Variants in PDE8B observed in about 807,000 individuals in gnomAD.
The protein encoded by PDE8B is high affinity cAMP-specific and IBMX-insensitive 3',5'-cyclic phosphodiesterase 8B.
Under a neutral mutation model 101.3 loss-of-function variants are expected in PDE8B, and 26 were observed. The observed-to-expected ratio is 0.26, with a 90% confidence interval of 0.19 to 0.36. The LOEUF (loss-of-function observed/expected upper bound fraction) is 0.36, where lower values mean the gene tolerates loss of function less well. Among genes scored for constraint, PDE8B ranks in the 10% least tolerant of loss-of-function variants. The probability of loss-of-function intolerance (pLI) is 1.00; values close to 1 mark genes in which losing one functional copy is unlikely to be tolerated. For synonymous variants in PDE8B, 424 were observed against 429.3 expected (o/e 0.99, Z 0.15); for missense variants, 810 against 1,163.1 (o/e 0.70, Z 4.42).
the PDE8B span, among the ~76,000 whole-genome samples, chr5:77,156,145 CAG>C: frequency 6.6e-6 from 1 of 152,132 alleles, no homozygotes; most frequent in Non-Finnish European, 1.5e-5. Context: ...TGATTAACAG[CAG>C]AGAGAGGTGG....
chr5:77,390,391 C>T (rs1488266370), intron 10 of PDE8B, among the ~76,000 whole-genome samples: 1 of 152,234 alleles, frequency 6.6e-6, no homozygotes, highest in Non-Finnish European at 1.5e-5. Flanking sequence ...GCTTCGAGCT[C>T]TGGCAAAGAG....
chr5:77,191,335 A>C, the PDE8B span, among the ~76,000 whole-genome samples: 5 of 152,030 alleles, frequency 3.3e-5, no homozygotes, highest in Non-Finnish European at 5.9e-5. Context: ...GACGTATAAT[A>C]TTTATGTACA....
chr5:77,157,087 C>G, the PDE8B span, among the ~76,000 whole-genome samples: 1 of 152,120 alleles, frequency 6.6e-6, no homozygotes, highest in Admixed American at 6.5e-5. Flanking sequence ...AATCGCCCCT[C>G]CAGCCTCTGG....
chr5:77,153,718 G>A, the PDE8B span, among the ~76,000 whole-genome samples: 1 of 151,982 alleles, frequency 6.6e-6, no homozygotes, highest in Non-Finnish European at 1.5e-5. Context: ...GGGATTACAG[G>A]TGCCTGCCAC....
chr5:77,282,035 G>A (rs951877767), intron 1 of PDE8B, among the ~76,000 whole-genome samples: 1 of 152,062 alleles, frequency 6.6e-6, no homozygotes, highest in African/African-American at 2.4e-5. Context: ...TAACAGTCAC[G>A]TCAACCCAAG....
At chr5:77,132,112 T>C in the PDE8B span, among the ~76,000 whole-genome samples, 1 of 152,198 alleles carries the variant, frequency 6.6e-6, no homozygotes, top group East Asian at 1.9e-4. Context: ...CAAAGTAGTA[T>C]ACAAGCTAAT....
At chr5:77,264,145 C>CCAGA (rs1402934273) in intron 1 of PDE8B, among the ~76,000 whole-genome samples, 1 of 152,182 alleles carries the variant, frequency 6.6e-6, no homozygotes, top group African/African-American at 2.4e-5. Context: ...GAATTATTTT[C>CCAGA]CATTTAATGG....
intron 1 of PDE8B, chr5:77,290,295 C>G: frequency 6.5e-7 from 1 of 1,547,150 alleles, no homozygotes; most frequent in South Asian, 1.1e-5. Flanking sequence ...CAATCAGCCC[C>G]AGTATGCATG....
At chr5:77,311,089 A>G (rs1772493745) in intron 1 of PDE8B, among the ~76,000 whole-genome samples, 1 of 152,176 alleles carries the variant, frequency 6.6e-6, no homozygotes, top group Admixed American at 6.5e-5. Context: ...ACAAGGGGCC[A>G]GTACAGAGTG....
the PDE8B span, chr5:77,166,605 G>A: frequency 6.6e-6 from 1 of 152,118 alleles, no homozygotes; most frequent in Non-Finnish European, 1.5e-5. Context: ...GTGAGAGAAT[G>A]AACACTCCCT....
intron 1 of PDE8B, among the ~76,000 whole-genome samples, chr5:77,251,690 GCT>G (rs1247249358): frequency 9.9e-5 from 15 of 151,922 alleles, no homozygotes; most frequent in Non-Finnish European, 1.9e-4. Context: ...CCACCGCATC[GCT>G]CTCTCTCTTC....
chr5:77,172,848 T>C, the PDE8B span, among the ~76,000 whole-genome samples: 1 of 152,214 alleles, frequency 6.6e-6, no homozygotes, highest in Non-Finnish European at 1.5e-5. Context: ...ACTTTTCCAC[T>C]TGTTTACTTG....
At chr5:77,248,446 G>T (rs62362644) in intron 1 of PDE8B, among the ~76,000 whole-genome samples, 12,470 of 110,598 alleles carry the variant, frequency 0.11, 712 homozygotes, top group Admixed American at 0.23. Context: ...ATTAGTTTTT[G>T]TTGTTGTTGT....
chr5:77,248,365 G>A (rs1023824268), intron 1 of PDE8B, among the ~76,000 whole-genome samples: 7 of 152,306 alleles, frequency 4.6e-5, no homozygotes, highest in Admixed American at 2.6e-4. Context: ...TGGATGGGAA[G>A]CAAAGGAGAG....
intron 10 of PDE8B, among the ~76,000 whole-genome samples, chr5:77,377,934 C>T (rs2150752176): frequency 6.6e-6 from 1 of 152,044 alleles, no homozygotes; most frequent in East Asian, 1.9e-4. Context: ...TCATGGGACT[C>T]CTCAGCCACC....
At chr5:77,187,842 C>T in the PDE8B span, among the ~76,000 whole-genome samples, 69 of 152,228 alleles carry the variant, frequency 4.5e-4, no homozygotes, top group African/African-American at 1.5e-3. Context: ...ATCTAGCATA[C>T]GTGGCCAGCC....
At chr5:77,176,187 A>G in the PDE8B span, among the ~76,000 whole-genome samples, 1 of 152,158 alleles carries the variant, frequency 6.6e-6, no homozygotes, top group Non-Finnish European at 1.5e-5. Context: ...CAGCCACGCG[A>G]AAGCCACCTC....
At chr5:77,402,221 A>G (rs1372923785) in intron 11 of PDE8B, among the ~76,000 whole-genome samples, 1 of 152,066 alleles carries the variant, frequency 6.6e-6, no homozygotes, top group African/African-American at 2.4e-5. Context: ...GATCCCAACA[A>G]TATCACTTAA....
intron 1 of PDE8B, among the ~76,000 whole-genome samples, chr5:77,269,326 A>C (rs768632872): frequency 1.1e-4 from 17 of 152,180 alleles, no homozygotes; most frequent in Middle Eastern, 6.8e-3. Flanking sequence ...TGGGATTATT[A>C]GATTTTTCCT....
Sources: allele counts gnomAD v4.1 joint callset (sites outside exome capture counted in the v4.1 genomes callset), GRCh38; gene constraint gnomAD v4.1.1; transcripts MANE v1.5; gene names NCBI Gene and HGNC (gene_info 2026-07-23, HGNC 2026-07-21).